AGMO: variants seen among roughly 807,000 people sequenced by gnomAD.
The protein encoded by AGMO is glyceryl-ether monooxygenase.
A neutral mutation model predicts 60.2 loss-of-function variants in AGMO; 75 were observed. The observed-to-expected ratio is 1.25, with a 90% CI of 1.03 to 1.51. The LOEUF (loss-of-function observed/expected upper bound fraction) is 1.51. Ranked by LOEUF, AGMO falls within the 40% of genes most tolerant of loss-of-function variation. The pLI is 0.00. For synonymous variants in AGMO, 261 were observed against 177.1 expected (o/e 1.47, Z -3.76); for missense variants, 763 against 525.5 (o/e 1.45, Z -4.42).
intron 3 of AGMO, among the ~76,000 whole-genome samples, chr7:15,485,575 C>A (rs1230080944): frequency 1.3e-5 from 2 of 152,130 alleles, no homozygotes; most frequent in Admixed American, 6.5e-5. Context: ...AACAAATGCA[C>A]TTTGCAACCC....
At chr7:15,321,589 T>A (rs945714313) in intron 12 of AGMO, among the ~76,000 whole-genome samples, 1 of 152,122 alleles carries the variant, frequency 6.6e-6, no homozygotes, top group Non-Finnish European at 1.5e-5. Flanking sequence ...CATTTGTAGA[T>A]AAGACAATTT....
the AGMO span, among the ~76,000 whole-genome samples, chr7:15,151,702 C>A: frequency 1.3e-5 from 2 of 151,962 alleles, no homozygotes; most frequent in African/African-American, 4.8e-5. Flanking sequence ...TTTTAAAAAT[C>A]TGTTGGGAAT....
intron 12 of AGMO, among the ~76,000 whole-genome samples, chr7:15,351,410 T>G (rs960817283): frequency 1.3e-5 from 2 of 152,100 alleles, no homozygotes; most frequent in Non-Finnish European, 2.9e-5. Flanking sequence ...ACCCCTATAT[T>G]TAACAGTGAT....
At chr7:15,252,977 C>T (rs1018199515) in intron 12 of AGMO, among the ~76,000 whole-genome samples, 10 of 151,972 alleles carry the variant, frequency 6.6e-5, no homozygotes, top group African/African-American at 2.4e-4. Context: ...ATTGAGAACC[C>T]CTAGATTCAG....
chr7:15,336,660 T>C (rs888674442), intron 12 of AGMO, among the ~76,000 whole-genome samples: 7 of 152,204 alleles, frequency 4.6e-5, no homozygotes, highest in African/African-American at 1.4e-4. Flanking sequence ...GTTATATTCA[T>C]CAAGTATTTG....
At chr7:15,357,632 C>T (rs762765905) in intron 12 of AGMO, among the ~76,000 whole-genome samples, 1 of 152,212 alleles carries the variant, frequency 6.6e-6, no homozygotes, top group Non-Finnish European at 1.5e-5. Context: ...ATGCAGTCTT[C>T]AGCCTTGCAG....
At chr7:15,205,767 C>T (rs1359499409) in intron 12 of AGMO, among the ~76,000 whole-genome samples, 1 of 151,912 alleles carries the variant, frequency 6.6e-6, no homozygotes, top group Non-Finnish European at 1.5e-5. Context: ...CTAAAATTTC[C>T]CTAAAATTTT....
intron 12 of AGMO, among the ~76,000 whole-genome samples, chr7:15,267,452 A>C (rs1054246933): frequency 1.3e-5 from 2 of 152,046 alleles, no homozygotes; most frequent in African/African-American, 4.8e-5. Flanking sequence ...CAGAATGATT[A>C]CATTGACATG....
At chr7:15,393,653 TGA>T (rs1252439964) in intron 6 of AGMO, among the ~76,000 whole-genome samples, 3 of 152,152 alleles carry the variant, frequency 2.0e-5, no homozygotes, top group South Asian at 4.1e-4. Flanking sequence ...CAGCTTATAC[TGA>T]GATTGTTCAA....
intron 12 of AGMO, among the ~76,000 whole-genome samples, chr7:15,287,883 T>C (rs756883133): frequency 6.6e-6 from 1 of 152,198 alleles, no homozygotes; most frequent in Admixed American, 6.5e-5. Flanking sequence ...TTTCAATTAC[T>C]GGCATTTTGA....
chr7:15,249,686 G>A (rs558335293), intron 12 of AGMO, among the ~76,000 whole-genome samples: 210 of 152,182 alleles, frequency 1.4e-3, no homozygotes, highest in African/African-American at 4.9e-3. Context: ...TTACAAGGAT[G>A]TGATGGGGGG....
At chr7:15,156,249 A>C in the AGMO span, among the ~76,000 whole-genome samples, 93 of 152,270 alleles carry the variant, frequency 6.1e-4, no homozygotes, top group African/African-American at 2.2e-3. Flanking sequence ...AAAATATTGT[A>C]GTGCTTAGGC....
At chr7:15,173,640 A>G in the AGMO span, among the ~76,000 whole-genome samples, 1 of 151,734 alleles carries the variant, frequency 6.6e-6, no homozygotes, top group African/African-American at 2.4e-5. Flanking sequence ...CTATATTGTA[A>G]TGTTATACAT....
chr7:15,142,920 T>A, the AGMO span, among the ~76,000 whole-genome samples: 4 of 152,208 alleles, frequency 2.6e-5, no homozygotes, highest in African/African-American at 7.2e-5. Flanking sequence ...CGTTATGGAA[T>A]CTAGGTACTA....
intron 12 of AGMO, among the ~76,000 whole-genome samples, chr7:15,260,138 G>A (rs531043738): frequency 1.7e-4 from 25 of 147,690 alleles, no homozygotes; most frequent in Non-Finnish European, 3.3e-4. Context: ...AAAAGATACA[G>A]AATGGCAGAA....
intron 12 of AGMO, among the ~76,000 whole-genome samples, chr7:15,347,553 A>T (rs2128552415): frequency 6.6e-6 from 1 of 151,856 alleles, no homozygotes; most frequent in Admixed American, 6.6e-5. Context: ...AATAATTAAA[A>T]CCTCGCCTAG....
At chr7:15,216,858 G>GTGTGTGT (rs1240920774) in intron 12 of AGMO, among the ~76,000 whole-genome samples, 1 of 151,548 alleles carries the variant, frequency 6.6e-6, no homozygotes, top group Non-Finnish European at 1.5e-5. Flanking sequence ...GTGTGTGTGT[G>GTGTGTGT]TGTGTGTACA....
chr7:15,449,326 TTCTCTTTC>T (rs1781793624), intron 3 of AGMO, among the ~76,000 whole-genome samples: 1 of 73,334 alleles, frequency 1.4e-5, no homozygotes, highest in African/African-American at 6.2e-5. Context: ...TTAAGAGTGC[TTCTCTTTC>T]TCTCTCTCTC....
chr7:15,350,598 G>A (rs1015239284), intron 12 of AGMO, among the ~76,000 whole-genome samples: 1 of 152,138 alleles, frequency 6.6e-6, no homozygotes, highest in East Asian at 1.9e-4. Flanking sequence ...TCCCAAGTGA[G>A]AATGTTTCAA....
Sources: gnomAD v4.1 joint callset for allele counts (sites outside exome capture counted in the v4.1 genomes callset) on GRCh38, gnomAD v4.1.1 for gene constraint, MANE v1.5 for transcripts, NCBI Gene and HGNC (gene_info 2026-07-23, HGNC 2026-07-21) for gene names.